The following TCN2 variants were observed in gnomAD, a reference collection of about 807,000 sequenced individuals.
The protein encoded by TCN2 is transcobalamin 2, also known as transcobalamin-2.
Under a neutral mutation model 48.6 loss-of-function variants are expected in TCN2, and 34 were observed. The ratio of observed to expected loss-of-function variants is 0.70; its 90% CI spans 0.53 to 0.93. TCN2 has a LOEUF of 0.93. Ranked by LOEUF, TCN2 falls within the 40% of genes least tolerant of loss-of-function variation. The pLI is 0.00. For missense variants in TCN2, 652 were observed against 526.1 expected (o/e 1.24, Z -2.34); for synonymous variants, 283 against 212.5 (o/e 1.33, Z -2.89).
Position 30,626,912 on chromosome 22 carries a change from G to A in TCN2, c.*391G>A, listed in dbSNP as rs545256921. 9.4e-5 allele frequency: 32 copies of A among 340,506 alleles called. No homozygotes were observed. The East Asian group carries it at 1.7e-3, about 18-fold the overall frequency. 21.1% of individuals were successfully genotyped at this position (340,506 alleles called of 1,614,324 possible). On this transcript the variant is annotated 3_prime_UTR_variant, in exon 9 of 9. Coordinates refer to ENST00000215838, the MANE Select transcript of TCN2 (RefSeq NM_000355.4). ...TCCTGCAAGAAGGCCTCCTCAGCCC[G>A]GGGGCTATGGCCCTGACCCCAGCTC...
chr22:30,622,933 C>T, intron 7 of TCN2, 35 bp from the exon 8 acceptor site: 1 of 1,606,264 alleles, frequency 6.2e-7, no homozygotes, highest in Non-Finnish European at 8.5e-7. Context: ...ACAACAGCCA[C>T]CTCTTCTCTC....
chr22:30,623,479 A>G (rs1469839806), intron 8 of TCN2, among the ~76,000 whole-genome samples: 1 of 151,718 alleles, frequency 6.6e-6, no homozygotes, highest in African/African-American at 2.4e-5. Context: ...CAGCCTTCCT[A>G]GAGCCCAAGT....
chr22:30,613,267 T>C (rs1355747923), intron 3 of TCN2, among the ~76,000 whole-genome samples: 2 of 151,984 alleles, frequency 1.3e-5, no homozygotes, highest in Non-Finnish European at 2.9e-5. Context: ...TGTTTCGTGG[T>C]TTTTTGTTTT....
chr22:30,623,308 A>C (rs1195570377), intron 8 of TCN2: 5 of 549,250 alleles, frequency 9.1e-6, no homozygotes, highest in South Asian at 2.2e-5. Context: ...AAAAAAAAAA[A>C]AAACTAGAAG....
intron 2 of TCN2, among the ~76,000 whole-genome samples, chr22:30,612,614 C>CA (rs552387144): frequency 4.4e-4 from 67 of 152,180 alleles, no homozygotes; most frequent in South Asian, 3.1e-3. Flanking sequence ...GAAGTATGGA[C>CA]AAAATAGTGG....
At position 30,612,874 on chromosome 22, in the gene TCN2, T is replaced by C. The variant is rs780786251; in HGVS notation, c.259T>C (p.Ser87Pro). Residue 87 changes from serine to proline, a missense_variant and splice_region_variant, in exon 3 of 9, where the codon TCT becomes CCT. Physicochemically the swap from Ser to Pro is moderately conservative, Grantham distance 74. Coordinates refer to ENST00000215838, the MANE Select transcript of TCN2 (RefSeq NM_000355.4). ...KLGYQQCLLG[S>P]AFSEDDGDCQ... ...AGGCATTAACTGGCCTTGTCCTAGG[T>C]CTGCCTTCAGCGAGGATGACGGTGA... 8 of 1,613,334 alleles carry C rather than the reference T, an allele frequency of 5.0e-6. No individual in the cohort carries two copies. Among genetic ancestry groups the C allele is most frequent in the Admixed American group, 1.7e-5 (1 of 59,998 alleles).
In TCN2 at chr22:30,614,841, G is replaced by A. The variant is rs1230771041; in HGVS notation, c.580+340G>A. On this transcript the variant is annotated intron_variant, in intron 4 of 8. Coordinates refer to ENST00000215838, the MANE Select transcript of TCN2 (RefSeq NM_000355.4). ...GGAGAATCACTTGAACCTGGGAGGCGGAGGCTGCAGTGAGTGGAGATCGCA... is the reference window on the plus strand; with the variant it reads ...GGAGAATCACTTGAACCTGGGAGGCAGAGGCTGCAGTGAGTGGAGATCGCA... Among the ~76,000 whole-genome samples the A allele has an allele frequency of 4.6e-5, 7 of 152,272 alleles. No homozygotes were observed. In the East Asian group the frequency reaches 5.8e-4, roughly 13 times the overall value.
At position 30,622,998 on chromosome 22, in the gene TCN2, C is replaced by G. The variant is rs373056071; in HGVS notation, c.1137C>G (p.Pro379=). 1.2e-5 allele frequency: 19 copies of G among 1,614,120 alleles called. No individual in the cohort carries two copies. The highest frequency in any genetic ancestry group is 1.6e-5 in the Non-Finnish European group (19 of 1,180,022). The stretch of plus-strand genomic sequence containing the variant: ...AAACACAGGCCTCCTTGTCAGGCCC[C>G]TACTTAACCTCCGTGATGGGGAAAG... The part of the protein sequence containing the change: ...TYETQASLSG[P]YLTSVMGKAA... The change falls in exon 8 of 9, where the codon CCC becomes CCG. Residue 379 remains proline (P), a synonymous_variant. Transcript: ENST00000215838.
intron 8 of TCN2, among the ~76,000 whole-genome samples, chr22:30,625,998 CCAA>C (rs987753538): frequency 6.6e-6 from 1 of 152,174 alleles, no homozygotes; most frequent in African/African-American, 2.4e-5. Flanking sequence ...TCCCACATCA[CCAA>C]CAAGAGCAGC....
chr22:30,618,570 C>A (rs991537626), intron 7 of TCN2, among the ~76,000 whole-genome samples: 2 of 152,152 alleles, frequency 1.3e-5, no homozygotes, highest in Non-Finnish European at 2.9e-5. Flanking sequence ...CAGCTGGTTT[C>A]TAACTCCTGA....
intron 2 of TCN2, among the ~76,000 whole-genome samples, chr22:30,611,355 A>G (rs1170190105): frequency 6.6e-6 from 1 of 152,078 alleles, no homozygotes; most frequent in Non-Finnish European, 1.5e-5. Context: ...ATCTGACTCT[A>G]TGCTCCCTTA....
At chr22:30,626,025 A>G (rs1287998030) in intron 8 of TCN2, among the ~76,000 whole-genome samples, 1 of 152,130 alleles carries the variant, frequency 6.6e-6, no homozygotes, top group Non-Finnish European at 1.5e-5. Flanking sequence ...ACTCACTCAG[A>G]GGTTAAATAA....
Position 30,626,467 on chromosome 22 carries a change from T to C in TCN2, c.1230T>C (p.Ala410=), listed in dbSNP as rs1391122960. ...CTCAATCTGTTTCTGCAGGTATTGC[T>C]GACTACAGACCCAAGGATGGAGAAA... The part of the protein sequence containing the change: ...DPNTPLLQGI[A]DYRPKDGETI... The change falls in exon 9 of 9, where the codon GCT becomes GCC. Residue 410 remains alanine (A), a synonymous_variant. Transcript: ENST00000215838. 2 of 1,614,160 alleles carry C rather than the reference T, an allele frequency of 1.2e-6. No individual in the cohort carries two copies. Among genetic ancestry groups the C allele is most frequent in the Non-Finnish European group, 1.7e-6 (2 of 1,180,016 alleles).
At chr22:30,620,555 G>A (rs574927749) in intron 7 of TCN2, among the ~76,000 whole-genome samples, 12 of 152,318 alleles carry the variant, frequency 7.9e-5, no homozygotes, top group African/African-American at 1.7e-4. Flanking sequence ...ATGCTGCTGG[G>A]CACCAGCGCA....
rs1326736452 is a variant in TCN2, at chr22:30,614,456, C to A, written c.535C>A (p.Leu179Ile). The change falls in exon 4 of 9, where the codon CTT becomes ATT. Residue 179 changes from leucine to isoleucine, a missense_variant. Coordinates refer to ENST00000215838, the MANE Select transcript of TCN2 (RefSeq NM_000355.4). ...GGTCCATGACAGCGTGGTGGACAAA[C>A]TTCTGTATGCTGTGGAACCTTTCCA... is the stretch of plus-strand genomic sequence containing the variant. ...KRVHDSVVDKLLYAVEPFHQG... is the reference protein window; with the variant it reads ...KRVHDSVVDKILYAVEPFHQG... 5.0e-6 allele frequency: 8 copies of A among 1,614,188 alleles called. No individual in the cohort carries two copies. The highest frequency in any genetic ancestry group is 2.2e-5 in the South Asian group (2 of 91,088).
At chr22:30,621,074 C>T (rs941951466) in intron 7 of TCN2, among the ~76,000 whole-genome samples, 2 of 152,118 alleles carry the variant, frequency 1.3e-5, no homozygotes, top group African/African-American at 2.4e-5. Context: ...CTCACTGCAA[C>T]CTCCACCTCC....
At chr22:30,623,194 C>G in intron 8 of TCN2, 111 bp downstream of exon 8, 1 of 953,108 alleles carries the variant, frequency 1.0e-6, no homozygotes, top group Non-Finnish European at 1.7e-6. Flanking sequence ...GCCACACCTT[C>G]ACAAAATCAC....
chr22:30,615,424 C>A lies in TCN2; in HGVS notation c.704C>A (p.Thr235Asn), dbSNP rs765413082. The change falls in exon 5 of 9, where the codon ACC (threonine) becomes AAC (asparagine). Residue 235 changes from threonine (T) to asparagine (N), a missense_variant. Coordinates refer to ENST00000215838, the MANE Select transcript of TCN2 (RefSeq NM_000355.4). ...TVREEILKAQTPEGHFGNVYS... is the reference protein window; with the variant it reads ...TVREEILKAQNPEGHFGNVYS... ...CGAGAGGAGATCTTGAAGGCCCAGACCCCCGAGGGCCACTTTGGGAATGTC... is the reference window on the plus strand; with the variant it reads ...CGAGAGGAGATCTTGAAGGCCCAGAACCCCGAGGGCCACTTTGGGAATGTC... 6.2e-7 allele frequency: 1 copy of A among 1,614,178 alleles called. No homozygotes were observed. The highest frequency in any genetic ancestry group is 8.5e-7 in the Non-Finnish European group (1 of 1,180,032).
chr22:30,613,892 C>G (rs921856498), intron 3 of TCN2, among the ~76,000 whole-genome samples: 3 of 152,198 alleles, frequency 2.0e-5, no homozygotes, highest in African/African-American at 7.2e-5. Context: ...GCCATACCAT[C>G]TCTCAACTCA....
Sources: gnomAD v4.1 joint callset for allele counts (sites outside exome capture counted in the v4.1 genomes callset) on GRCh38, gnomAD v4.1.1 for gene constraint, MANE v1.5 for transcripts, NCBI Gene and HGNC (gene_info 2026-07-23, HGNC 2026-07-21) for gene names.